Variants in GRID2 observed in about 807,000 individuals in gnomAD.
GRID2 encodes the protein glutamate ionotropic receptor delta type subunit 2.
Under a neutral mutation model 114.8 loss-of-function variants are expected in GRID2, and 33 were observed. That is an observed-to-expected ratio of 0.29 (90% confidence interval 0.22 to 0.38). GRID2 has a LOEUF of 0.38. GRID2 is among the 10% of genes least tolerant of loss of function. The probability of loss-of-function intolerance (pLI) is 1.00; values close to 1 mark genes in which losing one functional copy is unlikely to be tolerated. For synonymous variants in GRID2, 505 were observed against 449.9 expected (o/e 1.12, Z -1.55); for missense variants, 1,184 against 1,257.7 (o/e 0.94, Z 0.89).
intron 1 of GRID2, among the ~76,000 whole-genome samples, chr4:92,487,753 TTTTGTTTG>T (rs70940898): frequency 6.0e-5 from 9 of 151,050 alleles, no homozygotes; most frequent in South Asian, 4.2e-4. Context: ...GTTGTGGGTT[TTTTGTTTG>T]TTTGTTTGTT....
At position 92,432,704 on chromosome 4, in the gene GRID2, A is replaced by G. The variant is rs530019614; in HGVS notation, c.88+127960A>G. On this transcript the variant is annotated intron_variant, in intron 1 of 15. Transcript: ENST00000282020. ...CATTCAGTAGCTAAGGCCTGGAATC[A>G]GGAACCCCATGAGCCTGCTTAGTAC... 4.9e-4 allele frequency among the ~76,000 whole-genome samples: 74 copies of G among 152,256 alleles called. 1 individual carries two copies. Among genetic ancestry groups the G allele is most frequent in the South Asian group, 4.6e-3 (22 of 4,824 alleles).
chr4:92,553,694 C>G (rs1396955615), intron 1 of GRID2, among the ~76,000 whole-genome samples: 2 of 151,844 alleles, frequency 1.3e-5, no homozygotes, highest in Non-Finnish European at 2.9e-5. Flanking sequence ...CTCTGTCGCC[C>G]AGGCTGGAGT....
Position 92,541,306 on chromosome 4 carries a change from A to C in GRID2, c.89-48825A>C, listed in dbSNP as rs1725934712. ...TTAAAGTATAATAAAAAATAAATAA[A>C]ATAAGAGTCAGGAAAAAAAAAAGAA... is the stretch of plus-strand genomic sequence containing the variant. On this transcript the variant is annotated intron_variant, in intron 1 of 15. Coordinates refer to ENST00000282020, the MANE Select transcript of GRID2 (RefSeq NM_001510.4). Among the ~76,000 whole-genome samples, 7 of 151,948 alleles carry C rather than the reference A, an allele frequency of 4.6e-5. No homozygotes were observed. The South Asian group carries it at 1.5e-3, about 32-fold the overall frequency.
At chr4:93,678,179 G>C (rs1252256785) in intron 14 of GRID2, among the ~76,000 whole-genome samples, 1 of 152,124 alleles carries the variant, frequency 6.6e-6, no homozygotes, top group Non-Finnish European at 1.5e-5. Flanking sequence ...GGGTATCAGT[G>C]ATGGAAGATG....
At chr4:93,215,563 A>G (rs1560996709) in intron 5 of GRID2, among the ~76,000 whole-genome samples, 1 of 152,020 alleles carries the variant, frequency 6.6e-6, no homozygotes. Flanking sequence ...GAGAAAAACC[A>G]TTTTTATGGA....
intron 3 of GRID2, among the ~76,000 whole-genome samples, chr4:93,086,019 T>A (rs1730303129): frequency 6.6e-6 from 1 of 152,288 alleles, no homozygotes; most frequent in African/African-American, 2.4e-5. Context: ...TTATCTACCT[T>A]TTTTCTAACT....
chr4:92,876,594 C>T (rs752828242), intron 2 of GRID2, among the ~76,000 whole-genome samples: 34 of 152,114 alleles, frequency 2.2e-4, no homozygotes, highest in East Asian at 1.4e-3. Flanking sequence ...CGTGAGCCAC[C>T]GCACCCGGCC....
intron 1 of GRID2, among the ~76,000 whole-genome samples, chr4:92,309,443 A>G (rs1036925945): frequency 6.6e-6 from 1 of 151,988 alleles, no homozygotes; most frequent in African/African-American, 2.4e-5. Flanking sequence ...TTACTATAGT[A>G]TAATGTTTAT....
chr4:92,783,472 TG>T (rs1467199201), intron 2 of GRID2, among the ~76,000 whole-genome samples: 1 of 152,170 alleles, frequency 6.6e-6, no homozygotes, highest in African/African-American at 2.4e-5. Flanking sequence ...TAAAAGTGTC[TG>T]AATTTTTTAT....
chr4:92,495,953 T>A (rs1723370240), intron 1 of GRID2, among the ~76,000 whole-genome samples: 1 of 151,880 alleles, frequency 6.6e-6, no homozygotes, highest in South Asian at 2.1e-4. Context: ...CTATGAGCCA[T>A]CTTTATGGCT....
chr4:93,200,565 C>CAAAAAAAAA (rs1193157530), intron 4 of GRID2, among the ~76,000 whole-genome samples: 2 of 102,312 alleles, frequency 2.0e-5, no homozygotes, highest in African/African-American at 4.8e-5. Context: ...GACTCCGTCT[C>CAAAAAAAAA]AAAACAAACA....
At chr4:93,578,155 T>C (rs1736596044) in intron 13 of GRID2, among the ~76,000 whole-genome samples, 1 of 152,170 alleles carries the variant, frequency 6.6e-6, no homozygotes. Flanking sequence ...ACACTAACAG[T>C]GCTATTCCAC....
intron 8 of GRID2, among the ~76,000 whole-genome samples, chr4:93,359,220 T>A (rs1328589893): frequency 6.6e-6 from 1 of 152,062 alleles, no homozygotes; most frequent in Non-Finnish European, 1.5e-5. Context: ...AGGGGTCCAA[T>A]AAAGTTAAAC....
chr4:93,484,670 C>G (rs963201031), intron 11 of GRID2, among the ~76,000 whole-genome samples: 5 of 151,838 alleles, frequency 3.3e-5, no homozygotes, highest in African/African-American at 1.2e-4. Context: ...TCCACATTTG[C>G]CTTATTTGAA....
chr4:92,886,416 G>T (rs1036999195), intron 2 of GRID2, among the ~76,000 whole-genome samples: 1 of 151,912 alleles, frequency 6.6e-6, no homozygotes, highest in Non-Finnish European at 1.5e-5. Context: ...TTAGATGCAG[G>T]GTTGCCAAAA....
intron 2 of GRID2, among the ~76,000 whole-genome samples, chr4:92,704,875 G>A (rs756230417): frequency 1.3e-5 from 2 of 149,214 alleles, no homozygotes; most frequent in Non-Finnish European, 3.0e-5. Flanking sequence ...GAGCAGAAAT[G>A]ACAAGTGGCT....
intron 2 of GRID2, among the ~76,000 whole-genome samples, chr4:93,038,002 A>G (rs1725082653): frequency 6.6e-6 from 1 of 152,170 alleles, no homozygotes; most frequent in African/African-American, 2.4e-5. Flanking sequence ...AAGAAAGTCA[A>G]TGGTAATTTG....
chr4:93,472,428 A>G (rs1348321729), intron 11 of GRID2, among the ~76,000 whole-genome samples: 1 of 152,208 alleles, frequency 6.6e-6, no homozygotes, highest in East Asian at 1.9e-4. Flanking sequence ...CATTAAAAAT[A>G]TGAAATACTA....
At chr4:93,246,057 A>G (rs1186441481) in intron 8 of GRID2, among the ~76,000 whole-genome samples, 2 of 152,140 alleles carry the variant, frequency 1.3e-5, no homozygotes, top group Admixed American at 1.3e-4. Flanking sequence ...GTTTCATTTA[A>G]TGTCCTTTAT....
Sources: gnomAD v4.1 joint callset for allele counts (sites outside exome capture counted in the v4.1 genomes callset) on GRCh38, gnomAD v4.1.1 for gene constraint, MANE v1.5 for transcripts, NCBI Gene and HGNC (gene_info 2026-07-23, HGNC 2026-07-21) for gene names.